SLC25A21: variants seen among roughly 807,000 people sequenced by gnomAD.
SLC25A21 encodes the protein solute carrier family 25 member 21.
Under a neutral mutation model 43.8 loss-of-function variants are expected in SLC25A21, and 47 were observed. The observed-to-expected ratio is 1.07, with a 90% CI of 0.85 to 1.37. SLC25A21 has a LOEUF of 1.37. Among genes scored for constraint, SLC25A21 ranks in the 40% most tolerant of loss-of-function variants. The probability of loss-of-function intolerance (pLI) is 0.00; values close to 1 mark genes in which losing one functional copy is unlikely to be tolerated. For synonymous variants in SLC25A21, 131 were observed against 121.3 expected (o/e 1.08, Z -0.52); for missense variants, 352 against 350.2 (o/e 1.00, Z -0.04).
chr14:36,776,238 C>CTTTT (rs35856297), intron 3 of SLC25A21, among the ~76,000 whole-genome samples: 1 of 89,900 alleles, frequency 1.1e-5, no homozygotes, highest in Non-Finnish European at 1.9e-5. Context: ...TTCTTTCTTT[C>CTTTT]TTTTTTTTTT....
At chr14:36,726,438 A>C (rs1884602487) in intron 5 of SLC25A21, among the ~76,000 whole-genome samples, 1 of 148,512 alleles carries the variant, frequency 6.7e-6, no homozygotes, top group African/African-American at 2.5e-5. Context: ...GTCTCAAATA[A>C]AATAAAAAAA....
At chr14:36,852,904 TATC>T (rs1197589527) in intron 2 of SLC25A21, among the ~76,000 whole-genome samples, 3 of 152,134 alleles carry the variant, frequency 2.0e-5, no homozygotes, top group African/African-American at 7.2e-5. Flanking sequence ...ATATAATAAA[TATC>T]ATAAATGTGA....
At chr14:37,002,501 A>C (rs1374221025) in intron 1 of SLC25A21, among the ~76,000 whole-genome samples, 1 of 152,184 alleles carries the variant, frequency 6.6e-6, no homozygotes, top group African/African-American at 2.4e-5. Context: ...TTATATATAA[A>C]GAAGGAGCAC....
At chr14:36,877,891 T>G (rs1890590948) in intron 1 of SLC25A21, among the ~76,000 whole-genome samples, 1 of 152,162 alleles carries the variant, frequency 6.6e-6, no homozygotes, top group African/African-American at 2.4e-5. Flanking sequence ...GAGGAGCCAG[T>G]GAAGGATTTT....
At chr14:36,691,803 C>T (rs1170301460) in intron 7 of SLC25A21, among the ~76,000 whole-genome samples, 1 of 152,086 alleles carries the variant, frequency 6.6e-6, no homozygotes, top group Non-Finnish European at 1.5e-5. Context: ...TGTATTATTT[C>T]CTCATCTATG....
At chr14:36,981,382 T>A (rs1046668354) in intron 1 of SLC25A21, among the ~76,000 whole-genome samples, 3 of 152,326 alleles carry the variant, frequency 2.0e-5, no homozygotes, top group African/African-American at 7.2e-5. Flanking sequence ...TAAAGACACA[T>A]GCACACGTAT....
At chr14:37,081,126 T>G (rs1962379205) in intron 1 of SLC25A21, among the ~76,000 whole-genome samples, 1 of 152,202 alleles carries the variant, frequency 6.6e-6, no homozygotes. Context: ...ACCCTGATCA[T>G]GATCCCTGTA....
chr14:37,072,271 T>C (rs1962189330), intron 1 of SLC25A21, among the ~76,000 whole-genome samples: 1 of 151,688 alleles, frequency 6.6e-6, no homozygotes, highest in African/African-American at 2.4e-5. Flanking sequence ...TGAATCAATC[T>C]CAAATTCTGA....
At chr14:37,148,113 C>G (rs1386898871) in intron 1 of SLC25A21, among the ~76,000 whole-genome samples, 1 of 152,118 alleles carries the variant, frequency 6.6e-6, no homozygotes, top group Non-Finnish European at 1.5e-5. Flanking sequence ...GCTGGGATTA[C>G]AGGCATGAGC....
At chr14:36,854,466 T>C (rs1402731727) in intron 2 of SLC25A21, among the ~76,000 whole-genome samples, 1 of 152,212 alleles carries the variant, frequency 6.6e-6, no homozygotes, top group African/African-American at 2.4e-5. Flanking sequence ...TCCTTTCTCA[T>C]TTCTTGAACT....
intron 1 of SLC25A21, among the ~76,000 whole-genome samples, chr14:37,026,089 A>G (rs1376234753): frequency 1.3e-5 from 2 of 152,134 alleles, no homozygotes; most frequent in Non-Finnish European, 2.9e-5. Context: ...ACGTCCTAAA[A>G]AAAGAAGCAA....
chr14:36,939,826 C>A (rs1892512774), intron 1 of SLC25A21, among the ~76,000 whole-genome samples: 1 of 152,088 alleles, frequency 6.6e-6, no homozygotes, highest in South Asian at 2.1e-4. Context: ...TGAGCAAAAT[C>A]AAAACTGAAT....
intron 1 of SLC25A21, among the ~76,000 whole-genome samples, chr14:36,905,995 G>T (rs937816730): frequency 1.3e-5 from 2 of 152,160 alleles, no homozygotes; most frequent in South Asian, 2.1e-4. Flanking sequence ...AGTCACCCAG[G>T]GTTTCCGTTA....
chr14:37,142,157 T>C (rs1963582345), intron 1 of SLC25A21, among the ~76,000 whole-genome samples: 1 of 152,180 alleles, frequency 6.6e-6, no homozygotes, highest in African/African-American at 2.4e-5. Flanking sequence ...GTGCCTCATC[T>C]CATTTAACTC....
At chr14:36,962,001 C>T (rs1264342618) in intron 1 of SLC25A21, among the ~76,000 whole-genome samples, 1 of 152,168 alleles carries the variant, frequency 6.6e-6, no homozygotes, top group Non-Finnish European at 1.5e-5. Context: ...ATTTCAGCTG[C>T]ATTGCCACAG....
intron 1 of SLC25A21, among the ~76,000 whole-genome samples, chr14:37,144,349 G>T (rs1963623160): frequency 6.6e-6 from 1 of 152,186 alleles, no homozygotes; most frequent in Admixed American, 6.6e-5. Flanking sequence ...CACCTCAGAA[G>T]TTACTATGAA....
chr14:36,921,042 G>A (rs1891966272), intron 1 of SLC25A21, among the ~76,000 whole-genome samples: 1 of 152,108 alleles, frequency 6.6e-6, no homozygotes, highest in South Asian at 2.1e-4. Flanking sequence ...TCATATGGGA[G>A]GGTGGATCTC....
chr14:37,143,325 T>C (rs1217289316), intron 1 of SLC25A21, among the ~76,000 whole-genome samples: 1 of 152,190 alleles, frequency 6.6e-6, no homozygotes, highest in African/African-American at 2.4e-5. Flanking sequence ...CTTAGCTAAC[T>C]GCTCCCACCC....
rs371836190 is a variant in SLC25A21, at chr14:36,984,691, T to A, written c.71-109687A>T. 3.1e-4 allele frequency among the ~76,000 whole-genome samples: 47 copies of A among 152,276 alleles called. No homozygotes were observed. The East Asian group carries it at 7.3e-3, about 24-fold the overall frequency. On this transcript the variant is annotated intron_variant, in intron 1 of 9. Transcript: ENST00000331299. ...AATTGTGATGACTTTTAAAAATGTT[T>A]TATTTTGAAATAAATCCAAATTTAG...
Sources: allele counts gnomAD v4.1 joint callset (sites outside exome capture counted in the v4.1 genomes callset), GRCh38; gene constraint gnomAD v4.1.1; transcripts MANE v1.5; gene names NCBI Gene and HGNC (gene_info 2026-07-23, HGNC 2026-07-21).